The following TRAK1 variants were observed in gnomAD, a reference collection of about 807,000 sequenced individuals.
The protein encoded by TRAK1 is trafficking kinesin protein 1.
In TRAK1, 33 loss-of-function variants were observed where a neutral mutation model predicts 92.1. The ratio of observed to expected loss-of-function variants is 0.36; its 90% CI spans 0.27 to 0.48. The LOEUF (loss-of-function observed/expected upper bound fraction) is 0.48. TRAK1 is among the 20% of genes least tolerant of loss of function. TRAK1 has a pLI of 0.99. For synonymous variants in TRAK1, 521 were observed against 517.3 expected, an observed-to-expected ratio of 1.01 and a Z score of -0.10; for missense variants, 1,123 against 1,257.9, an observed-to-expected ratio of 0.89 and a Z score of 1.62.
chr3:42,086,313 T>TTCTTTTTC (rs1355698946), upstream of TRAK1, among the ~76,000 whole-genome samples: 1 of 146,798 alleles, frequency 6.8e-6, no homozygotes, highest in Non-Finnish European at 1.5e-5. Context: ...TTTTCTTTCT[T>TTCTTTTTC]TTTTTTTTTT....
chr3:42,166,412 C>G (rs1299900041), intron 2 of TRAK1, among the ~76,000 whole-genome samples: 1 of 152,112 alleles, frequency 6.6e-6, no homozygotes, highest in African/African-American at 2.4e-5. Context: ...CACTATAGAT[C>G]AACACTGGGT....
intron 2 of TRAK1, chr3:42,151,515 A>G: frequency 3.1e-6 from 1 of 326,680 alleles, no homozygotes; most frequent in Non-Finnish European, 5.9e-6. Context: ...TTTATCATCT[A>G]TCCCATTTTG....
At chr3:42,089,268 C>T (rs1704851856), upstream of TRAK1, among the ~76,000 whole-genome samples, 1 of 152,162 alleles carries the variant, frequency 6.6e-6, no homozygotes, top group Non-Finnish European at 1.5e-5. Flanking sequence ...TCAGAATCTA[C>T]CCAGCATTTA....
At chr3:42,136,308 C>T (rs1697946633) in intron 2 of TRAK1, among the ~76,000 whole-genome samples, 1 of 152,092 alleles carries the variant, frequency 6.6e-6, no homozygotes, top group Non-Finnish European at 1.5e-5. Context: ...TTGTAATGAA[C>T]ACGAATGATC....
At chr3:42,086,474 T>A (rs1398005919), upstream of TRAK1, among the ~76,000 whole-genome samples, 5 of 150,690 alleles carry the variant, frequency 3.3e-5, no homozygotes, top group African/African-American at 1.2e-4. Flanking sequence ...CCTGACTAAT[T>A]TTTTTTTTGT....
chr3:42,026,961 T>A (rs1207360140), intron 1 of TRAK1, among the ~76,000 whole-genome samples: 1 of 152,204 alleles, frequency 6.6e-6, no homozygotes, highest in Non-Finnish European at 1.5e-5. Context: ...TCTGGTAGAC[T>A]GACTTTCTAC....
chr3:42,120,465 C>T (rs1709704317), intron 1 of TRAK1, among the ~76,000 whole-genome samples: 1 of 151,976 alleles, frequency 6.6e-6, no homozygotes, highest in African/African-American at 2.4e-5. Context: ...TGAATAAGCT[C>T]CTGTCCTGTG....
intron 2 of TRAK1, among the ~76,000 whole-genome samples, chr3:42,149,008 C>G (rs1425667022): frequency 6.6e-6 from 1 of 152,142 alleles, no homozygotes; most frequent in African/African-American, 2.4e-5. Flanking sequence ...TGCCTGTACC[C>G]TTTCTTTTCC....
At chr3:42,150,683 T>C (rs149979483) in intron 2 of TRAK1, among the ~76,000 whole-genome samples, 46 of 152,294 alleles carry the variant, frequency 3.0e-4, no homozygotes, top group African/African-American at 9.6e-4. Flanking sequence ...TAATTATCTC[T>C]TATCCACTGA....
At chr3:42,204,653 T>C (rs1032361039) in intron 13 of TRAK1, among the ~76,000 whole-genome samples, 2 of 152,204 alleles carry the variant, frequency 1.3e-5, no homozygotes, top group South Asian at 4.1e-4. Flanking sequence ...AGTGTGATCA[T>C]AGCTCACTAC....
chr3:42,156,310 C>T (rs562173690), intron 2 of TRAK1, among the ~76,000 whole-genome samples: 19 of 152,332 alleles, frequency 1.2e-4, no homozygotes, highest in African/African-American at 3.8e-4. Context: ...AATTCTCTCA[C>T]ACCCTTGCAG....
At chr3:42,114,752 G>A (rs551021246) in intron 1 of TRAK1, among the ~76,000 whole-genome samples, 4 of 151,450 alleles carry the variant, frequency 2.6e-5, no homozygotes, top group South Asian at 2.1e-4. Flanking sequence ...TCCCTCTGTT[G>A]CCCAGGCTGG....
intron 1 of TRAK1, among the ~76,000 whole-genome samples, chr3:42,025,218 C>G (rs1261712075): frequency 1.3e-5 from 2 of 152,172 alleles, no homozygotes; most frequent in Non-Finnish European, 2.9e-5. Context: ...GTCTTCCTGT[C>G]AGACATAACT....
chr3:42,079,176 G>A (rs1024445584), intron 1 of TRAK1, among the ~76,000 whole-genome samples: 1 of 152,204 alleles, frequency 6.6e-6, no homozygotes, highest in African/African-American at 2.4e-5. Context: ...CACTCAATTT[G>A]TGGTAATTTG....
intron 2 of TRAK1, among the ~76,000 whole-genome samples, chr3:42,150,586 A>C (rs139275525): frequency 1.3e-5 from 2 of 152,180 alleles, no homozygotes; most frequent in African/African-American, 4.8e-5. Flanking sequence ...CGGGAGTTTC[A>C]GAATGCTCTA....
At chr3:42,069,228 G>A (rs933796489) in intron 1 of TRAK1, among the ~76,000 whole-genome samples, 1 of 151,306 alleles carries the variant, frequency 6.6e-6, no homozygotes, top group African/African-American at 2.4e-5. Context: ...GCTACAGGTG[G>A]GAGGATTGCT....
chr3:42,121,184 TGTG>T (rs1215857162), intron 1 of TRAK1, among the ~76,000 whole-genome samples: 1 of 152,080 alleles, frequency 6.6e-6, no homozygotes, highest in Non-Finnish European at 1.5e-5. Flanking sequence ...CAAATCTCTG[TGTG>T]CCACATTGCT....
In TRAK1 at chr3:42,202,679, C is replaced by T. The variant is rs771616682; in HGVS notation, c.1671C>T (p.Thr557=). The change falls in exon 13 of 16, where the codon ACC becomes ACT. Residue 557 remains threonine (T), a synonymous_variant. Coordinates refer to ENST00000327628, the MANE Select transcript of TRAK1 (RefSeq NM_001042646.3). This position sits in a 1 kb window ranked among gnomAD's most constrained non-coding sequence, Gnocchi z 6.1. The stretch of plus-strand genomic sequence containing the variant: ...CGCACTCCCGCTTCTCCGAGTTCAC[C>T]GGCTTCTCTGGCATGTCCTTCAGCA... ...LGTHSRFSEF[T]GFSGMSFSSR... 1.7e-5 allele frequency: 28 copies of T among 1,613,458 alleles called. No individual in the cohort carries two copies. The highest frequency in any genetic ancestry group is 2.2e-5 in the East Asian group (1 of 44,864).
chr3:42,110,120 A>ATATATATG (rs1164554475), intron 1 of TRAK1, among the ~76,000 whole-genome samples: 5 of 137,854 alleles, frequency 3.6e-5, no homozygotes, highest in Non-Finnish European at 7.8e-5. Flanking sequence ...ATATATATAT[A>ATATATATG]TATATATATA....
Sources: gnomAD v4.1 joint callset for allele counts (sites outside exome capture counted in the v4.1 genomes callset) on GRCh38, gnomAD v4.1.1 for gene constraint, Gnocchi (gnomAD v3.1) non-coding constraint, MANE v1.5 for transcripts, NCBI Gene and HGNC (gene_info 2026-07-23, HGNC 2026-07-21) for gene names.